SH3TC2: variants seen among roughly 807,000 people sequenced by gnomAD.
SH3TC2 encodes the protein SH3 domain and tetratricopeptide repeat-containing protein 2.
SH3TC2 carries 87 observed loss-of-function variants against 124.5 expected under a neutral mutation model. That is an observed-to-expected ratio of 0.70 (90% CI 0.59 to 0.84). The LOEUF is 0.84. Ranked by LOEUF, SH3TC2 falls within the 40% of genes least tolerant of loss-of-function variation. The pLI, the probability that SH3TC2 is intolerant of heterozygous loss-of-function variation, is 0.00. For missense variants in SH3TC2, 1,536 were observed against 1,566.4 expected, an observed-to-expected ratio of 0.98 and a Z score of 0.33; for synonymous variants, 634 against 628.5, an observed-to-expected ratio of 1.01 and a Z score of -0.13.
intron 8 of SH3TC2, chr5:149,035,479 GC>G (rs1351068751): frequency 1.3e-5 from 2 of 152,870 alleles, no homozygotes; most frequent in Non-Finnish European, 2.9e-5. Flanking sequence ...ACACCCAGTG[GC>G]CAGTCGGACG....
chr5:149,042,542 G>T, intron 5 of SH3TC2, 152 bp downstream of exon 5: 1 of 887,646 alleles, frequency 1.1e-6, no homozygotes, highest in Non-Finnish European at 1.8e-6. Flanking sequence ...GAACTCAGAG[G>T]AATGTTCAAA....
At chr5:149,023,407 T>C (rs922045439) in intron 12 of SH3TC2, among the ~76,000 whole-genome samples, 2 of 152,192 alleles carry the variant, frequency 1.3e-5, no homozygotes, top group Admixed American at 6.5e-5. Flanking sequence ...ATATTTAATA[T>C]CTAATATTTA....
At chr5:149,045,010 C>T (rs775635256) in intron 3 of SH3TC2, 41 of 181,472 alleles carry the variant, frequency 2.3e-4, no homozygotes, top group Non-Finnish European at 4.2e-4. Context: ...GGATAAAGGA[C>T]GCTGATTCAT....
intron 12 of SH3TC2, among the ~76,000 whole-genome samples, chr5:149,015,415 T>A (rs1020644568): frequency 1.3e-5 from 2 of 152,180 alleles, no homozygotes; most frequent in African/African-American, 4.8e-5. Flanking sequence ...AGAATGCCAA[T>A]TCCTCCAGCC....
At chr5:149,023,225 C>G (rs1043690785) in intron 12 of SH3TC2, among the ~76,000 whole-genome samples, 5 of 152,114 alleles carry the variant, frequency 3.3e-5, no homozygotes, top group Non-Finnish European at 5.9e-5. Flanking sequence ...ACTGAATTCC[C>G]CAATAACTAC....
chr5:149,051,191 C>T (rs1244434264), intron 2 of SH3TC2, among the ~76,000 whole-genome samples: 1 of 152,082 alleles, frequency 6.6e-6, no homozygotes. Flanking sequence ...CGGGCTTCAT[C>T]GATGTCTTTT....
chr5:149,029,817 T>A (rs1222729373), intron 9 of SH3TC2, among the ~76,000 whole-genome samples: 1 of 151,982 alleles, frequency 6.6e-6, no homozygotes, highest in Non-Finnish European at 1.5e-5. Context: ...AGTGGAACTG[T>A]GGAGGTGAAG....
At position 148,993,909 on chromosome 5, in the gene SH3TC2, T is replaced by A. The variant is rs547788921; in HGVS notation, c.*10802A>T. 4.6e-5 allele frequency among the ~76,000 whole-genome samples: 7 copies of A among 152,250 alleles called. No homozygotes were observed. Among genetic ancestry groups the A allele is most frequent in the Admixed American group, 6.5e-5 (1 of 15,288 alleles). ...CAATAACAATAATAGCCAACACTTA[T>A]ATAACATGGGCCAGGCACTTTACAT... On this transcript the variant is annotated 3_prime_UTR_variant, in exon 17 of 17. Transcript: ENST00000515425.
In SH3TC2 at chr5:149,004,774, G is replaced by A. The variant is rs1434453673; in HGVS notation, c.3804C>T (p.Ser1268=). The change falls in exon 17 of 17, where the codon AGC becomes AGT. Residue 1268 remains serine, a synonymous_variant. Transcript: ENST00000515425. The part of the protein sequence containing the change: ...DNICQSPLWH[S]RPSGCSSERA... Reference sequence around the variant, plus strand: ...TCTCTGAGGAGCACCCGGAGGGCCTGCTGTGCCACAGGGGGCTCTGGCAGA... The same window carrying A: ...TCTCTGAGGAGCACCCGGAGGGCCTACTGTGCCACAGGGGGCTCTGGCAGA... The A allele has an allele frequency of 1.2e-6, 2 of 1,614,108 alleles. No homozygotes were observed. The highest frequency in any genetic ancestry group is 1.7e-5 in the Admixed American group (1 of 60,024).
rs1192080444 is a variant in SH3TC2, at chr5:148,989,141, T to C, written c.*15570A>G. Among the ~76,000 whole-genome samples the C allele has an allele frequency of 3.9e-5, 6 of 152,156 alleles. No individual in the cohort carries two copies. The highest frequency in any genetic ancestry group is 8.8e-5 in the Non-Finnish European group (6 of 68,026). On this transcript the variant is annotated 3_prime_UTR_variant, in exon 17 of 17. Coordinates refer to ENST00000515425, the MANE Select transcript of SH3TC2 (RefSeq NM_024577.4). ...ATATTTCCTTGAGTTCCTTTTGGAG[T>C]CATTGAATTCCCTTTTTGAGTCTTT...
intron 12 of SH3TC2, among the ~76,000 whole-genome samples, chr5:149,018,347 A>G (rs990011323): frequency 6.6e-6 from 1 of 152,016 alleles, no homozygotes; most frequent in African/African-American, 2.4e-5. Context: ...CTTTGCACCT[A>G]TATTAGTCCA....
chr5:149,016,422 C>G (rs562694523), intron 12 of SH3TC2, among the ~76,000 whole-genome samples: 1 of 139,792 alleles, frequency 7.2e-6, no homozygotes, highest in Non-Finnish European at 1.5e-5. Context: ...AAACCTTGAA[C>G]AAAGTTTTCT....
In SH3TC2 at chr5:148,998,587, C is replaced by G. The variant is rs1753547359; in HGVS notation, c.*6124G>C. On this transcript the variant is annotated 3_prime_UTR_variant, in exon 17 of 17. Transcript: ENST00000515425. ...TGAAATCGTTTTGAAAGCACAGCAT[C>G]CTTCCCTCTCACCTGCCTCGCAGTC... Among the ~76,000 whole-genome samples the G allele has an allele frequency of 6.6e-6, 1 of 152,210 alleles. No homozygotes were observed. The highest frequency in any genetic ancestry group is 2.1e-4 in the South Asian group (1 of 4,830).
chr5:149,013,034 G>A lies in SH3TC2; in HGVS notation c.3054-300C>T, dbSNP rs529576512. Among the ~76,000 whole-genome samples the A allele has an allele frequency of 8.5e-5, 13 of 152,206 alleles. No individual in the cohort carries two copies. In the South Asian group the frequency reaches 2.1e-3, roughly 24 times the overall value. On this transcript the variant is annotated intron_variant, in intron 12 of 16. Coordinates refer to ENST00000515425, the MANE Select transcript of SH3TC2 (RefSeq NM_024577.4). ...AAGTGCTTAGAACAGTGCCTATTACGTCCTTGGCACCTGATGAATGTTTAA... is the reference window on the plus strand; with the variant it reads ...AAGTGCTTAGAACAGTGCCTATTACATCCTTGGCACCTGATGAATGTTTAA...
In SH3TC2 at chr5:149,027,177, A is replaced by C. The variant is rs1196437514; in HGVS notation, c.2555T>G (p.Val852Gly). The C allele has an allele frequency of 6.2e-7, 1 of 1,614,100 alleles. No individual in the cohort carries two copies. Among genetic ancestry groups the C allele is most frequent in the East Asian group, 2.2e-5 (1 of 44,872 alleles). Residue 852 changes from valine (V) to glycine (G), a missense_variant, in exon 11 of 17, where the codon GTG becomes GGG. Val to Gly is a moderately radical substitution (Grantham distance 109). This residue lies in a region of SH3TC2 where 1,102 missense variants were observed against 1,098.6 expected (regional missense o/e 1.00). Transcript: ENST00000515425. ...LGLALQGEGR[V>G]NRAAKSYLRA... ...AAGATAGCTCTTGGCTGCCCTGTTCACCCGGCCTTCACCTTGGAGTGCAAG... is the reference window on the plus strand; with the variant it reads ...AAGATAGCTCTTGGCTGCCCTGTTCCCCCGGCCTTCACCTTGGAGTGCAAG...
At chr5:149,062,258 C>T in intron 1 of SH3TC2, 2 of 484,436 alleles carry the variant, frequency 4.1e-6, no homozygotes, top group South Asian at 3.1e-5. Context: ...TGATAAACAC[C>T]ACACAAGAGA....
chr5:149,026,334 C>T, intron 12 of SH3TC2: 1 of 578,256 alleles, frequency 1.7e-6, no homozygotes, highest in South Asian at 2.0e-5. Flanking sequence ...AAGATAGATG[C>T]CATTATTATC....
chr5:149,022,585 C>T (rs1021460984), intron 12 of SH3TC2, among the ~76,000 whole-genome samples: 6 of 152,184 alleles, frequency 3.9e-5, no homozygotes, highest in African/African-American at 4.8e-5. Flanking sequence ...AAAATTTGTT[C>T]ATGAATGTTC....
rs1164824556 is a variant in SH3TC2 at position 148,984,393 on chromosome 5, T to C, written c.*20318A>G. Among the ~76,000 whole-genome samples the C allele has an allele frequency of 6.6e-6, 1 of 152,080 alleles. No individual in the cohort carries two copies. Among genetic ancestry groups the C allele is most frequent in the Non-Finnish European group, 1.5e-5 (1 of 68,022 alleles). On this transcript the variant is annotated 3_prime_UTR_variant, in exon 17 of 17. Transcript: ENST00000515425. ...TTATTATTTATCAATTAAAAATACA[T>C]TTTAAAAGGAACAAATGCCATATAA...
Sources: gnomAD v4.1 joint callset for allele counts (sites outside exome capture counted in the v4.1 genomes callset) on GRCh38, gnomAD v4.1.1 for gene constraint, gnomAD v4.1.1 regional missense constraint, MANE v1.5 for transcripts, NCBI Gene and HGNC (gene_info 2026-07-23, HGNC 2026-07-21) for gene names.